Variants in PRELID2 observed in about 807,000 individuals in gnomAD.
PRELID2 encodes PRELI domain containing 2, also known as PRELI domain-containing protein 2.
A neutral mutation model predicts 28.4 loss-of-function variants in PRELID2; 25 were observed. That is an observed-to-expected ratio of 0.88 (90% CI 0.64 to 1.23). The LOEUF (loss-of-function observed/expected upper bound fraction) is 1.23. PRELID2 is among the 50% of genes most tolerant of loss of function. The pLI is 0.00. For synonymous variants in PRELID2, 76 were observed against 71.6 expected (o/e 1.06, Z -0.31); for missense variants, 201 against 214.4 (o/e 0.94, Z 0.39).
intron 1 of PRELID2, among the ~76,000 whole-genome samples, chr5:145,642,548 T>C (rs1182730910): frequency 1.3e-5 from 2 of 152,356 alleles, no homozygotes; most frequent in Non-Finnish European, 2.9e-5. Context: ...TTTTGGCTTT[T>C]GTTGCCATTG....
intron 1 of PRELID2, among the ~76,000 whole-genome samples, chr5:145,827,034 G>C (rs1017551044): frequency 6.6e-6 from 1 of 152,172 alleles, no homozygotes; most frequent in Non-Finnish European, 1.5e-5. Context: ...GAGGTTACCA[G>C]AGAGAGTACA....
At chr5:145,252,765 G>T in the PRELID2 span, among the ~76,000 whole-genome samples, 1 of 152,014 alleles carries the variant, frequency 6.6e-6, no homozygotes, top group Non-Finnish European at 1.5e-5. Flanking sequence ...AGACGTAAAA[G>T]TTCTCAAAAT....
intron 1 of PRELID2, among the ~76,000 whole-genome samples, chr5:145,538,372 C>T (rs114699475): frequency 6.6e-5 from 10 of 151,774 alleles, no homozygotes; most frequent in Admixed American, 4.0e-4. Context: ...TTAAAAAAAT[C>T]TCTGTGAAGA....
chr5:145,590,280 G>C (rs1363659787), intron 1 of PRELID2, among the ~76,000 whole-genome samples: 1 of 152,152 alleles, frequency 6.6e-6, no homozygotes, highest in Admixed American at 6.6e-5. Flanking sequence ...ACTTCTGTGA[G>C]AGGTCTTTTC....
the PRELID2 span, among the ~76,000 whole-genome samples, chr5:145,404,461 A>G: frequency 6.6e-6 from 1 of 152,194 alleles, no homozygotes; most frequent in East Asian, 1.9e-4. Flanking sequence ...TGTGTCCAGC[A>G]CTATGTTAGG....
chr5:145,741,071 T>A (rs1756704083), intron 1 of PRELID2, among the ~76,000 whole-genome samples: 2 of 118,430 alleles, frequency 1.7e-5, no homozygotes, highest in South Asian at 5.2e-4. Context: ...ATTATATATT[T>A]ATGTATAAAT....
chr5:145,821,667 C>T (rs891100505), intron 2 of PRELID2, among the ~76,000 whole-genome samples: 1 of 152,214 alleles, frequency 6.6e-6, no homozygotes, highest in African/African-American at 2.4e-5. Context: ...TGATAGGGTG[C>T]AAACCCCTCT....
the PRELID2 span, among the ~76,000 whole-genome samples, chr5:145,367,207 C>G: frequency 1.3e-5 from 2 of 151,842 alleles, no homozygotes; most frequent in African/African-American, 4.8e-5. Flanking sequence ...TTTGACCACT[C>G]TATATAAAGT....
the PRELID2 span, among the ~76,000 whole-genome samples, chr5:145,378,355 C>T: frequency 6.6e-6 from 1 of 152,136 alleles, no homozygotes; most frequent in Non-Finnish European, 1.5e-5. Flanking sequence ...GGGAATTTCT[C>T]ATGGATGATA....
intron 1 of PRELID2, among the ~76,000 whole-genome samples, chr5:145,550,655 T>C (rs898523948): frequency 2.6e-5 from 4 of 152,200 alleles, no homozygotes; most frequent in African/African-American, 9.7e-5. Context: ...TTAATATTTC[T>C]AACTTTAATG....
chr5:145,663,746 C>T (rs750094362), intron 1 of PRELID2, among the ~76,000 whole-genome samples: 12 of 152,050 alleles, frequency 7.9e-5, no homozygotes, highest in Non-Finnish European at 1.5e-5. Context: ...TCTGGGAGAC[C>T]TTGGGCCAGT....
chr5:145,651,638 G>A (rs1754299374), intron 1 of PRELID2, among the ~76,000 whole-genome samples: 1 of 152,186 alleles, frequency 6.6e-6, no homozygotes, highest in Non-Finnish European at 1.5e-5. Flanking sequence ...TGATACCCAG[G>A]CAAACAGGGT....
At chr5:145,627,314 G>A (rs1169714354) in intron 1 of PRELID2, among the ~76,000 whole-genome samples, 1 of 151,672 alleles carries the variant, frequency 6.6e-6, no homozygotes, top group East Asian at 1.9e-4. Context: ...TAAACAATGG[G>A]TATACATACC....
At chr5:145,695,828 A>T (rs1360662770) in intron 1 of PRELID2, among the ~76,000 whole-genome samples, 1 of 152,114 alleles carries the variant, frequency 6.6e-6, no homozygotes, top group Non-Finnish European at 1.5e-5. Flanking sequence ...TAGCCTCAGG[A>T]GTAACATATC....
the PRELID2 span, among the ~76,000 whole-genome samples, chr5:145,431,482 T>G: frequency 6.6e-6 from 1 of 152,156 alleles, no homozygotes; most frequent in East Asian, 1.9e-4. Flanking sequence ...AAAGTGTAAC[T>G]GCACAATGAA....
At chr5:145,523,858 T>G (rs1183829223) in intron 1 of PRELID2, among the ~76,000 whole-genome samples, 1 of 152,212 alleles carries the variant, frequency 6.6e-6, no homozygotes, top group African/African-American at 2.4e-5. Context: ...AACTTTTCTT[T>G]ATTATAAATA....
At chr5:145,749,820 TG>T (rs1016878356) in intron 1 of PRELID2, among the ~76,000 whole-genome samples, 2 of 152,128 alleles carry the variant, frequency 1.3e-5, no homozygotes, top group African/African-American at 4.8e-5. Context: ...TGCAGAGACA[TG>T]GTTGAAGCTG....
the PRELID2 span, among the ~76,000 whole-genome samples, chr5:145,344,573 T>C: frequency 6.6e-6 from 1 of 152,062 alleles, no homozygotes; most frequent in Non-Finnish European, 1.5e-5. Context: ...CACATATTTC[T>C]TAAAAGTGTA....
intron 1 of PRELID2, among the ~76,000 whole-genome samples, chr5:145,629,283 T>C (rs143613525): frequency 3.9e-5 from 6 of 152,312 alleles, no homozygotes; most frequent in Non-Finnish European, 8.8e-5. Flanking sequence ...GGAGAGAGTA[T>C]GAGTAGCCTG....
Sources: gnomAD v4.1 joint callset for allele counts (sites outside exome capture counted in the v4.1 genomes callset) on GRCh38, gnomAD v4.1.1 for gene constraint, MANE v1.5 for transcripts, NCBI Gene and HGNC (gene_info 2026-07-23, HGNC 2026-07-21) for gene names.